Variants in MXI1 observed in about 807,000 individuals in gnomAD.
MXI1 encodes max-interacting protein 1.
A neutral mutation model predicts 36.9 loss-of-function variants in MXI1; 18 were observed. That is an observed-to-expected ratio of 0.49 (90% CI 0.34 to 0.72). The LOEUF is 0.72. Among genes scored for constraint, MXI1 ranks in the 30% least tolerant of loss-of-function variants. The pLI is 0.01. For missense variants in MXI1, 304 were observed against 379.1 expected (o/e 0.80, Z 1.64); for synonymous variants, 160 against 146.7 (o/e 1.09, Z -0.65).
At chr10:110,245,008 C>T (rs1855813071) in intron 3 of MXI1, 151 bp downstream of exon 3, 3 of 710,646 alleles carry the variant, frequency 4.2e-6, no homozygotes, top group Non-Finnish European at 6.7e-6. Flanking sequence ...GTATTTTCTC[C>T]AAAAAATGAT....
intron 3 of MXI1, among the ~76,000 whole-genome samples, chr10:110,259,849 A>G (rs61882790): frequency 0.03 from 4,497 of 152,184 alleles, 366 homozygotes; most frequent in East Asian, 0.28. Context: ...AGGATTCAGT[A>G]ATGACAACAG....
At chr10:110,241,002 A>G (rs1435164806) in intron 2 of MXI1, among the ~76,000 whole-genome samples, 2 of 151,904 alleles carry the variant, frequency 1.3e-5, no homozygotes, top group East Asian at 3.9e-4. Flanking sequence ...TTTCATTTCT[A>G]TGGTTCATTT....
intron 3 of MXI1, among the ~76,000 whole-genome samples, chr10:110,263,772 G>T (rs1344704099): frequency 1.3e-5 from 2 of 151,974 alleles, no homozygotes; most frequent in Non-Finnish European, 2.9e-5. Flanking sequence ...TTTTCCTTCT[G>T]ATTTTTTTGT....
chr10:110,237,486 C>T (rs1855514326), intron 2 of MXI1, among the ~76,000 whole-genome samples: 2 of 152,110 alleles, frequency 1.3e-5, no homozygotes, highest in Admixed American at 1.3e-4. Context: ...TGGAGGATTA[C>T]ATTGATGGAT....
intron 3 of MXI1, among the ~76,000 whole-genome samples, chr10:110,264,468 C>G (rs527251444): frequency 1.3e-5 from 2 of 150,300 alleles, no homozygotes; most frequent in Admixed American, 1.3e-4. Context: ...CGGGTTTAAA[C>G]GATTCTCTTG....
At chr10:110,280,414 C>T (rs545045814) in intron 5 of MXI1, among the ~76,000 whole-genome samples, 3 of 151,718 alleles carry the variant, frequency 2.0e-5, no homozygotes, top group Non-Finnish European at 4.4e-5. Context: ...TGCCCGGTGG[C>T]TCATGCCTGT....
At chr10:110,217,174 C>T (rs914074273) in intron 1 of MXI1, among the ~76,000 whole-genome samples, 1 of 152,136 alleles carries the variant, frequency 6.6e-6, no homozygotes, top group African/African-American at 2.4e-5. Context: ...ACAACATGCT[C>T]TTGGCCACAG....
At chr10:110,234,891 G>C (rs1396807042) in intron 2 of MXI1, among the ~76,000 whole-genome samples, 1 of 152,098 alleles carries the variant, frequency 6.6e-6, no homozygotes, top group Non-Finnish European at 1.5e-5. Context: ...TTTAACTTTA[G>C]AATGTATAAG....
chr10:110,258,261 C>T (rs989718718), intron 3 of MXI1, among the ~76,000 whole-genome samples: 19 of 152,090 alleles, frequency 1.2e-4, no homozygotes, highest in African/African-American at 4.6e-4. Flanking sequence ...AAATTGATAC[C>T]CATACTTTTA....
At chr10:110,208,148 C>A (rs1218989093) in intron 1 of MXI1, 66 bp downstream of exon 1, 2 of 1,508,248 alleles carry the variant, frequency 1.3e-6, no homozygotes, top group East Asian at 5.4e-5. Flanking sequence ...CTTGGGCGAC[C>A]CCTGTTGCGA....
chr10:110,216,433 TC>T (rs1854637050), intron 1 of MXI1, among the ~76,000 whole-genome samples: 1 of 152,128 alleles, frequency 6.6e-6, no homozygotes, highest in African/African-American at 2.4e-5. Context: ...AGTGTATTAT[TC>T]CAGTGCCAGG....
chr10:110,279,200 G>T lies in MXI1; in HGVS notation c.458G>T (p.Cys153Phe), dbSNP rs1857149157. The change falls in exon 4 of 6, where the codon TGT becomes TTT. Residue 153 changes from cysteine (C) to phenylalanine (F), a missense_variant. Physicochemically the swap from Cys to Phe is radical, Grantham distance 205. Coordinates refer to ENST00000332674, the MANE Select transcript of MXI1 (RefSeq NM_130439.3). ...CTTAGACGAGCTCATCTGCGCCTTT[G>T]TTTAGAACGCTTAAAAGTTCTGATT... ...EKNRRAHLRL[C>F]LERLKVLIPL... 1 of 1,614,026 alleles carries T rather than the reference G, an allele frequency of 6.2e-7. No individual in the cohort carries two copies. The highest frequency in any genetic ancestry group is 1.3e-5 in the African/African-American group (1 of 74,942).
At chr10:110,261,762 T>A (rs1041505903) in intron 3 of MXI1, among the ~76,000 whole-genome samples, 2 of 152,238 alleles carry the variant, frequency 1.3e-5, no homozygotes, top group Non-Finnish European at 2.9e-5. Context: ...CTTTTTCATC[T>A]TCTCCTATAT....
At chr10:110,228,903 C>G (rs369842321) in intron 2 of MXI1, among the ~76,000 whole-genome samples, 2 of 152,226 alleles carry the variant, frequency 1.3e-5, no homozygotes, top group East Asian at 1.9e-4. Flanking sequence ...CAGAATAGAT[C>G]TTTAAAAATA....
At chr10:110,225,911 C>T in intron 1 of MXI1, 1 of 719,434 alleles carries the variant, frequency 1.4e-6, no homozygotes, top group Non-Finnish European at 1.7e-6. Context: ...TGCGGGACTA[C>T]ATTTCCCAGG....
chr10:110,229,972 G>A (rs1292538507), intron 2 of MXI1, among the ~76,000 whole-genome samples: 1 of 152,048 alleles, frequency 6.6e-6, no homozygotes, highest in Non-Finnish European at 1.5e-5. Context: ...TATAATTTCA[G>A]TACATTTCCC....
At chr10:110,248,489 A>G (rs942463654) in intron 3 of MXI1, among the ~76,000 whole-genome samples, 2 of 152,196 alleles carry the variant, frequency 1.3e-5, no homozygotes, top group African/African-American at 4.8e-5. Context: ...TGTTTAATCT[A>G]GCATCTAGCT....
intron 3 of MXI1, among the ~76,000 whole-genome samples, chr10:110,260,449 GTGTGTGTGTA>G (rs1351966731): frequency 8.2e-6 from 1 of 122,614 alleles, no homozygotes; most frequent in Non-Finnish European, 1.7e-5. Context: ...GTGTGTGTGT[GTGTGTGTGTA>G]TACGCCCACA....
In MXI1 at chr10:110,228,268, G is replaced by T; in HGVS notation, c.354G>T (p.Leu118Phe). 6.2e-7 allele frequency: 1 copy of T among 1,614,170 alleles called. No homozygotes were observed. Among genetic ancestry groups the T allele is most frequent in the Non-Finnish European group, 8.5e-7 (1 of 1,180,032 alleles). Reference protein sequence around the residue: ...RLQHSKPPRRLSRAQKHSSGS... With the variant: ...RLQHSKPPRRFSRAQKHSSGS... ...AGCATTCAAAGCCCCCACGGAGGTT[G>T]AGCCGGGCACAGAAACACAGCAGCG... The change falls in exon 2 of 6, where the codon TTG (leucine) becomes TTT (phenylalanine). Residue 118 changes from leucine to phenylalanine, a missense_variant. Leu to Phe is a conservative substitution (Grantham distance 22). Coordinates refer to ENST00000332674, the MANE Select transcript of MXI1 (RefSeq NM_130439.3).
Sources: allele counts gnomAD v4.1 joint callset (sites outside exome capture counted in the v4.1 genomes callset), GRCh38; gene constraint gnomAD v4.1.1; transcripts MANE v1.5; gene names NCBI Gene and HGNC (gene_info 2026-07-23, HGNC 2026-07-21).